The following TMC7 variants were observed in gnomAD, a reference collection of about 807,000 sequenced individuals.
The protein encoded by TMC7 is transmembrane channel-like protein 7.
TMC7 carries 54 observed loss-of-function variants against 82.9 expected under a neutral mutation model. The ratio of observed to expected loss-of-function variants is 0.65; its 90% CI spans 0.52 to 0.82. The LOEUF is 0.82. Ranked by LOEUF, TMC7 falls within the 40% of genes least tolerant of loss-of-function variation. The probability of loss-of-function intolerance (pLI) is 0.00; values close to 1 mark genes in which losing one functional copy is unlikely to be tolerated. For synonymous variants in TMC7, 350 were observed against 337.9 expected (o/e 1.04, Z -0.39); for missense variants, 820 against 901.2 (o/e 0.91, Z 1.15).
At chr16:18,996,921 G>A (rs1433670329) in intron 1 of TMC7, among the ~76,000 whole-genome samples, 1 of 152,260 alleles carries the variant, frequency 6.6e-6, no homozygotes, top group Admixed American at 6.5e-5. Flanking sequence ...TCCATGACTA[G>A]CGCCGGAGTT....
At chr16:19,040,552 G>T in intron 9 of TMC7, 106 bp downstream of exon 9, 1 of 1,034,660 alleles carries the variant, frequency 9.7e-7, no homozygotes. Context: ...TTTTCCTGCT[G>T]AGCCAAGAGT....
In TMC7 at chr16:19,035,678, C is replaced by T. The variant is rs779355742; in HGVS notation, c.860C>T (p.Ser287Leu). Residue 287 changes from serine (S) to leucine (L), a missense_variant and splice_region_variant, in exon 7 of 16, where the codon TCG becomes TTG. Ser to Leu is a moderately radical substitution (Grantham distance 145). Around this residue, in one of 2 missense-constraint regions of TMC7, gnomAD observed 650 missense variants for 669.9 expected, o/e 0.97. Transcript: ENST00000304381. The stretch of plus-strand genomic sequence containing the variant: ...GGATGATTGTGTTTTGGGGTCAGGT[C>T]GGTGGAAGGATTCAAAATCAACCTG... ...ALSLLWIVKR[S>L]VEGFKINLIR... 10 of 1,614,066 alleles carry T rather than the reference C, an allele frequency of 6.2e-6. No individual in the cohort carries two copies. The Admixed American group carries it at 1.0e-4, about 16-fold the overall frequency.
chr16:18,993,064 C>T (rs2142124182), intron 1 of TMC7, among the ~76,000 whole-genome samples: 1 of 152,110 alleles, frequency 6.6e-6, no homozygotes, highest in East Asian at 1.9e-4. Flanking sequence ...TGAAAGCCAG[C>T]AATTGTTTCT....
At position 19,016,346 on chromosome 16, in the gene TMC7, T is replaced by A. The variant is rs955504466; in HGVS notation, c.312-104T>A. ...CTCAGGTGATCCACCTGCCTCGGCC[T>A]CCCAGAGTGCTGGGATTACAGGCGT... On this transcript the variant is annotated intron_variant, in intron 2 of 15. Coordinates refer to ENST00000304381, the MANE Select transcript of TMC7 (RefSeq NM_024847.4). The A allele has an allele frequency of 1.9e-5, 28 of 1,444,508 alleles. No individual in the cohort carries two copies. In the Middle Eastern group the frequency reaches 8.9e-4, roughly 46 times the overall value. 89.5% of individuals were successfully genotyped at this position (1,444,508 alleles called of 1,614,324 possible).
chr16:19,048,755 A>C lies in TMC7; in HGVS notation c.1740+1506A>C, dbSNP rs867408462. On this transcript the variant is annotated intron_variant, in intron 12 of 15. Coordinates refer to ENST00000304381, the MANE Select transcript of TMC7 (RefSeq NM_024847.4). ...TTTATTATAGAGGCAATACAATATT[A>C]AACATTTAAATAATGCACATATGTA... Among the ~76,000 whole-genome samples, 13 of 152,248 alleles carry C rather than the reference A, an allele frequency of 8.5e-5. No individual in the cohort carries two copies. The Middle Eastern group carries it at 0.014, about 159-fold the overall frequency.
At position 19,051,666 on chromosome 16, in the gene TMC7, C is replaced by A; in HGVS notation, c.1741-20C>A. 2 of 1,611,340 alleles carry A rather than the reference C, an allele frequency of 1.2e-6. No individual in the cohort carries two copies. Among genetic ancestry groups the A allele is most frequent in the Non-Finnish European group, 8.5e-7 (1 of 1,178,308 alleles). On this transcript the variant is annotated intron_variant, in intron 12 of 15. Coordinates refer to ENST00000304381, the MANE Select transcript of TMC7 (RefSeq NM_024847.4). ...GCTGTACTTATTGATCTTAATTTTTCTTTCTTTTTCTCCTTGTAGTGGAGT... is the reference window on the plus strand; with the variant it reads ...GCTGTACTTATTGATCTTAATTTTTATTTCTTTTTCTCCTTGTAGTGGAGT...
intron 1 of TMC7, among the ~76,000 whole-genome samples, chr16:18,986,577 G>T (rs1362177877): frequency 1.3e-5 from 2 of 151,888 alleles, no homozygotes; most frequent in Non-Finnish European, 2.9e-5. Flanking sequence ...ACAACTTTCC[G>T]GTGGCTTCTC....
intron 12 of TMC7, 45 bp from the exon 13 acceptor site, chr16:19,051,641 G>A: frequency 1.2e-6 from 2 of 1,608,656 alleles, no homozygotes; most frequent in East Asian, 2.2e-5. Context: ...CTTCACAGAA[G>A]CTGTACTTAT....
At chr16:18,985,262 A>AC (rs1189798404) in intron 1 of TMC7, among the ~76,000 whole-genome samples, 1 of 151,976 alleles carries the variant, frequency 6.6e-6, no homozygotes, top group East Asian at 1.9e-4. Flanking sequence ...GTTTCAAAAA[A>AC]AAAAAAAGAA....
chr16:19,001,536 A>G (rs570648057), intron 1 of TMC7, among the ~76,000 whole-genome samples: 1 of 152,200 alleles, frequency 6.6e-6, no homozygotes, highest in East Asian at 1.9e-4. Flanking sequence ...ATGCATATTA[A>G]CTGGGTGTAG....
rs142594656 is a variant in TMC7 at position 19,060,496 on chromosome 16, T to C, written c.2106+1002T>C. 6.9e-3 allele frequency among the ~76,000 whole-genome samples: 1,053 copies of C among 151,920 alleles called. 45 individuals carry two copies. The highest frequency in any genetic ancestry group is 0.065 in the Admixed American group (984 of 15,246). The stretch of plus-strand genomic sequence containing the variant: ...CTGGGATTACAGGCATGAGCCACTA[T>C]GCCTGGACCCTAGCTGAGACTTGAA... On this transcript the variant is annotated intron_variant, in intron 15 of 15. Coordinates refer to ENST00000304381, the MANE Select transcript of TMC7 (RefSeq NM_024847.4).
At chr16:19,018,476 A>G (rs1022691872) in intron 3 of TMC7, among the ~76,000 whole-genome samples, 3 of 152,176 alleles carry the variant, frequency 2.0e-5, no homozygotes, top group Non-Finnish European at 4.4e-5. Flanking sequence ...AAGGACACTA[A>G]TCCCATCATG....
In TMC7 at chr16:19,057,087, C is replaced by A. The variant is rs528705980; in HGVS notation, c.2027+390C>A. Among the ~76,000 whole-genome samples, 24 of 152,176 alleles carry A rather than the reference C, an allele frequency of 1.6e-4. No individual in the cohort carries two copies. The South Asian group carries it at 4.8e-3, about 30-fold the overall frequency. On this transcript the variant is annotated intron_variant, in intron 14 of 15. Transcript: ENST00000304381. ...CTGGGAGGTTGAGGTTGCAGTGAGC[C>A]AAGATCATACCACTGCACTCCAGCC...
intron 1 of TMC7, among the ~76,000 whole-genome samples, chr16:19,005,890 G>A (rs572055610): frequency 2.0e-5 from 3 of 152,238 alleles, no homozygotes; most frequent in South Asian, 2.1e-4. Flanking sequence ...GGTGAGGCTC[G>A]TAGACTTGCA....
intron 3 of TMC7, among the ~76,000 whole-genome samples, chr16:19,016,908 A>C (rs1004508822): frequency 2.0e-5 from 3 of 152,122 alleles, no homozygotes; most frequent in Non-Finnish European, 2.9e-5. Flanking sequence ...AGTGAAGACC[A>C]GGCGCAGTGG....
chr16:19,009,263 A>G lies in TMC7; in HGVS notation c.159A>G (p.Arg53=), dbSNP rs756949912. ...GCTACCGGTCCATTGCACGTAGGAG[A>G]ACGACTGTCCATTCCCGGGACAAGC... ...LPSYRSIARR[R]TTVHSRDKQS... is the part of the protein sequence containing the mutation. The change falls in exon 2 of 16, where the codon AGA becomes AGG. Residue 53 remains arginine, a synonymous_variant. Transcript: ENST00000304381. 1 of 1,614,152 alleles carries G rather than the reference A, an allele frequency of 6.2e-7. No homozygotes were observed. Among genetic ancestry groups the G allele is most frequent in the South Asian group, 1.1e-5 (1 of 91,090 alleles).
At chr16:18,996,962 GTC>G (rs1567500591) in intron 1 of TMC7, among the ~76,000 whole-genome samples, 1 of 152,232 alleles carries the variant, frequency 6.6e-6, no homozygotes, top group Non-Finnish European at 1.5e-5. Flanking sequence ...TGTCTCTTTT[GTC>G]TCTATTAGAG....
intron 2 of TMC7, among the ~76,000 whole-genome samples, chr16:19,010,600 AAG>A (rs1163528766): frequency 6.6e-6 from 1 of 152,238 alleles, no homozygotes; most frequent in East Asian, 1.9e-4. Context: ...TACAAAAAGA[AAG>A]AGTTTGCAGT....
chr16:19,051,757 G>A lies in TMC7; in HGVS notation c.1812G>A (p.Leu604=). 1.2e-6 allele frequency: 2 copies of A among 1,614,078 alleles called. No individual in the cohort carries two copies. The highest frequency in any genetic ancestry group is 1.6e-4 in the Middle Eastern group (1 of 6,062). The part of the protein sequence containing the change: ...FRASNSNFFF[L]LVLLIGLCLA... Reference sequence around the variant, plus strand: ...CATCCAATTCTAATTTCTTCTTCCTGTTGGTGTTGTTGATCGGGCTGTGTT... The same window carrying A: ...CATCCAATTCTAATTTCTTCTTCCTATTGGTGTTGTTGATCGGGCTGTGTT... The change falls in exon 13 of 16, where the codon CTG becomes CTA. Residue 604 remains leucine (L), a synonymous_variant. Transcript: ENST00000304381.
Sources: gnomAD v4.1 joint callset for allele counts (sites outside exome capture counted in the v4.1 genomes callset) on GRCh38, gnomAD v4.1.1 for gene constraint, gnomAD v4.1.1 regional missense constraint, MANE v1.5 for transcripts, NCBI Gene and HGNC (gene_info 2026-07-23, HGNC 2026-07-21) for gene names.